Variants in COL6A3 observed in about 807,000 individuals in gnomAD.
The protein encoded by COL6A3 is collagen type VI alpha 3 chain, also known as collagen alpha-3(VI) chain.
In COL6A3, 137 loss-of-function variants were observed where a neutral mutation model predicts 274.1. That is an observed-to-expected ratio of 0.50 (90% confidence interval 0.44 to 0.58). The LOEUF is 0.58. Ranked by LOEUF, COL6A3 falls within the 20% of genes least tolerant of loss-of-function variation. The pLI is 0.00. For synonymous variants in COL6A3, 1,650 were observed against 1,650.6 expected (o/e 1.00, Z 0.01); for missense variants, 3,950 against 4,124.9 (o/e 0.96, Z 1.16).
chr2:237,372,013 C>T lies in COL6A3; in HGVS notation c.4004G>A (p.Gly1335Asp), dbSNP rs763111518. Reference sequence around the variant, plus strand: ...GATGAGGACCAGGAACTGCGGGACGCCCTCTTCAATGCGGCTCCCCAGGGG... The same window carrying T: ...GATGAGGACCAGGAACTGCGGGACGTCCTCTTCAATGCGGCTCCCCAGGGG... Reference protein sequence around the residue: ...KRPLGSRIEEGVPQFLVLISS... With the variant: ...KRPLGSRIEEDVPQFLVLISS... Residue 1335 changes from glycine to aspartate, a missense_variant, in exon 9 of 44, where the codon GGC becomes GAC. Transcript: ENST00000295550. 4 of 1,614,146 alleles carry T rather than the reference C, an allele frequency of 2.5e-6. No homozygotes were observed. Among genetic ancestry groups the T allele is most frequent in the East Asian group, 4.5e-5 (2 of 44,876 alleles).
In COL6A3 at chr2:237,339,130, A is replaced by G. The variant is rs2076932172; in HGVS notation, c.8465-13T>C. 6.3e-7 allele frequency: 1 copy of G among 1,578,424 alleles called. No individual in the cohort carries two copies. Among genetic ancestry groups the G allele is most frequent in the African/African-American group, 1.3e-5 (1 of 74,304 alleles). On this transcript the variant is annotated splice_polypyrimidine_tract_variant and intron_variant, in intron 38 of 43. Transcript: ENST00000295550. ...AAAGCATTTTCACCTAAAGAAAAAA[A>G]ACAAAGAAAACAATTGAACCGCATG...
In COL6A3 at chr2:237,396,872, G is replaced by C. The variant is rs189096751; in HGVS notation, c.-30-25C>G. On this transcript the variant is annotated intron_variant, in intron 1 of 43. Transcript: ENST00000295550. ...CCTAAAAGAGAAAACAGGGCAAAGG[G>C]AATGATCAGTTTTTGACTCTCATTA... 12 of 1,534,568 alleles carry C rather than the reference G, an allele frequency of 7.8e-6. No homozygotes were observed. The East Asian group carries it at 2.5e-4, about 32-fold the overall frequency.
chr2:237,413,187 C>T lies in COL6A3; in HGVS notation c.-31+766G>A, dbSNP rs1419032312. ...CCTCCCAGCTCGGCACTGGCCTCAC[C>T]TCTGTGCAGCATGGGCTGGCCCTGC... is the stretch of plus-strand genomic sequence containing the variant. On this transcript the variant is annotated intron_variant, in intron 1 of 43. Transcript: ENST00000295550. This position sits in a 1 kb window ranked among gnomAD's most constrained non-coding sequence, Gnocchi z 4.0. Among the ~76,000 whole-genome samples, 2 of 152,242 alleles carry T rather than the reference C, an allele frequency of 1.3e-5. No individual in the cohort carries two copies. The highest frequency in any genetic ancestry group is 4.8e-5 in the African/African-American group (2 of 41,468).
In COL6A3 at chr2:237,381,499, A is replaced by C. The variant is rs752716544; in HGVS notation, c.1313T>G (p.Val438Gly). The C allele has an allele frequency of 6.3e-7, 1 of 1,599,924 alleles. No homozygotes were observed. Among genetic ancestry groups the C allele is most frequent in the Non-Finnish European group, 8.5e-7 (1 of 1,178,638 alleles). ...VLKPPTIVTQ[V>G]IEVNKRDIVF... Reference sequence around the variant, plus strand: ...TATGTCTCTCTTGTTGACTTCAATGACTGTAGGTGGCAACATTATAAGGCA... The same window carrying C: ...TATGTCTCTCTTGTTGACTTCAATGCCTGTAGGTGGCAACATTATAAGGCA... Residue 438 changes from valine (V) to glycine (G), a missense_variant and splice_region_variant, in exon 5 of 44, where the codon GTC (valine) becomes GGC (glycine). Val to Gly is a moderately radical substitution (Grantham distance 109). This residue lies in a region of COL6A3 where 1,934 missense variants were observed against 1,984.3 expected (regional missense o/e 0.97). Transcript: ENST00000295550.
At chr2:237,347,781 T>C (rs1040358696) in intron 31 of COL6A3, 26 bp downstream of exon 31, 7 of 1,602,458 alleles carry the variant, frequency 4.4e-6, no homozygotes, top group Admixed American at 1.7e-5. Context: ...ATTCCTCACC[T>C]GCAGCCAAGG....
rs750241914 is a variant in COL6A3, at chr2:237,387,578, A to G, written c.1312+4T>C. ...CACACAGATGGTGAGAAGAGGATACATACCTTGTGTGACAATGGTTGGCGG... is the reference window on the plus strand; with the variant it reads ...CACACAGATGGTGAGAAGAGGATACGTACCTTGTGTGACAATGGTTGGCGG... On this transcript the variant is annotated splice_donor_region_variant and intron_variant, in intron 4 of 43. Coordinates refer to ENST00000295550, the MANE Select transcript of COL6A3 (RefSeq NM_004369.4). 1 of 1,613,920 alleles carries G rather than the reference A, an allele frequency of 6.2e-7. No homozygotes were observed.
At chr2:237,393,469 A>T (rs2078343971) in intron 3 of COL6A3, among the ~76,000 whole-genome samples, 1 of 152,108 alleles carries the variant, frequency 6.6e-6, no homozygotes, top group Admixed American at 6.5e-5. Flanking sequence ...TATCCACCTG[A>T]ATATCTTGGA....
At chr2:237,385,897 T>A (rs1319821471) in intron 4 of COL6A3, among the ~76,000 whole-genome samples, 1 of 152,182 alleles carries the variant, frequency 6.6e-6, no homozygotes. Flanking sequence ...AATTTTATGG[T>A]CCCATCAAGT....
chr2:237,405,108 C>T (rs2078687051), intron 1 of COL6A3, among the ~76,000 whole-genome samples: 1 of 152,008 alleles, frequency 6.6e-6, no homozygotes, highest in Non-Finnish European at 1.5e-5. Flanking sequence ...CTGAAAAGGA[C>T]GGGAGATAAT....
Position 237,374,667 on chromosome 2 carries a change from C to A in COL6A3, c.3424G>T (p.Asp1142Tyr), listed in dbSNP as rs777599612. Reference sequence around the variant, plus strand: ...TTCCGCACATCATCCCCAGACCTGTCGGCCGTGAGGACGATCAGCAGCTGG... The same window carrying A: ...TTCCGCACATCATCCCCAGACCTGTAGGCCGTGAGGACGATCAGCAGCTGG... ...VPQLLIVLTA[D>Y]RSGDDVRNPS... Residue 1142 changes from aspartate to tyrosine, a missense_variant, in exon 8 of 44, where the codon GAC (aspartate) becomes TAC (tyrosine). Transcript: ENST00000295550. This position sits in a 1 kb window ranked among gnomAD's most constrained non-coding sequence, Gnocchi z 4.8. 6.2e-7 allele frequency: 1 copy of A among 1,613,986 alleles called. No homozygotes were observed. Among genetic ancestry groups the A allele is most frequent in the East Asian group, 2.2e-5 (1 of 44,828 alleles).
chr2:237,397,400 CAA>C (rs1406023131), intron 1 of COL6A3, among the ~76,000 whole-genome samples: 2 of 122,242 alleles, frequency 1.6e-5, no homozygotes, highest in Non-Finnish European at 3.3e-5. Flanking sequence ...AGAAGAAAAA[CAA>C]AGAGGAGAGA....
chr2:237,349,435 A>G (rs1018095453), intron 28 of COL6A3, among the ~76,000 whole-genome samples: 1 of 152,262 alleles, frequency 6.6e-6, no homozygotes, highest in South Asian at 2.1e-4. Flanking sequence ...TGAGATTAAA[A>G]GTAATACAAA....
chr2:237,353,683 G>A (rs531367042), intron 24 of COL6A3, among the ~76,000 whole-genome samples: 6 of 152,272 alleles, frequency 3.9e-5, no homozygotes, highest in Middle Eastern at 3.4e-3. Context: ...GCAGAGGACC[G>A]AGACACCGGG....
Position 237,381,264 on chromosome 2 carries a change from C to A in COL6A3, c.1548G>T (p.Lys516Asn). The change falls in exon 5 of 44, where the codon AAG becomes AAT. Residue 516 changes from lysine (K) to asparagine (N), a missense_variant. Physicochemically the swap from Lys to Asn is moderately conservative, Grantham distance 94. Coordinates refer to ENST00000295550, the MANE Select transcript of COL6A3 (RefSeq NM_004369.4). ...TGTACAGGGCCGAGCCGTCCAGGGG[C>A]TTCATTTTCCGCACAGCGGTTATGA... ...REVITAVRKMKPLDGSALYTG... is the reference protein window; with the variant it reads ...REVITAVRKMNPLDGSALYTG... The A allele has an allele frequency of 6.2e-7, 1 of 1,614,258 alleles. No individual in the cohort carries two copies. Among genetic ancestry groups the A allele is most frequent in the Non-Finnish European group, 8.5e-7 (1 of 1,180,052 alleles).
chr2:237,367,770 G>A (rs1198888775), intron 10 of COL6A3, among the ~76,000 whole-genome samples: 1 of 152,204 alleles, frequency 6.6e-6, no homozygotes, highest in Non-Finnish European at 1.5e-5. Flanking sequence ...AATAGGAAGA[G>A]GCCCCTTAAC....
chr2:237,369,874 A>G (rs1215933541), intron 9 of COL6A3, among the ~76,000 whole-genome samples: 1 of 139,602 alleles, frequency 7.2e-6, no homozygotes, highest in Non-Finnish European at 1.5e-5. Context: ...GTCTCTTTCT[A>G]TCTCCCAGGC....
intron 6 of COL6A3, among the ~76,000 whole-genome samples, chr2:237,377,850 G>A (rs1011275293): frequency 2.3e-4 from 35 of 152,052 alleles, no homozygotes; most frequent in African/African-American, 8.2e-4. Flanking sequence ...TTGAGGTTAC[G>A]GGCCAAGACC....
intron 32 of COL6A3, 25 bp from the exon 33 acceptor site, chr2:237,345,238 G>A: frequency 6.2e-7 from 1 of 1,613,156 alleles, no homozygotes; most frequent in Non-Finnish European, 8.5e-7. Context: ...AACGAAAGGT[G>A]AGAGGCACAG....
Position 237,366,708 on chromosome 2 carries a change from C to T in COL6A3, c.5479G>A (p.Gly1827Ser), listed in dbSNP as rs1440752292. The change falls in exon 11 of 44, where the codon GGT becomes AGT. Residue 1827 changes from glycine to serine, a missense_variant. Coordinates refer to ENST00000295550, the MANE Select transcript of COL6A3 (RefSeq NM_004369.4). Reference sequence around the variant, plus strand: ...TTACCTTTGGCAGCATCAGTTACACCAGGGCAAAGGGTTTCATGCATCGCA... The same window carrying T: ...TTACCTTTGGCAGCATCAGTTACACTAGGGCAAAGGGTTTCATGCATCGCA... Reference protein sequence around the residue: ...HDAMHETLCPGVTDAAKACNL... With the variant: ...HDAMHETLCPSVTDAAKACNL... The T allele has an allele frequency of 1.2e-6, 2 of 1,614,244 alleles. No individual in the cohort carries two copies. Among genetic ancestry groups the T allele is most frequent in the Admixed American group, 3.3e-5 (2 of 60,032 alleles).
Sources: gnomAD v4.1 joint callset for allele counts (sites outside exome capture counted in the v4.1 genomes callset) on GRCh38, gnomAD v4.1.1 for gene constraint, gnomAD v4.1.1 regional missense constraint, Gnocchi (gnomAD v3.1) non-coding constraint, MANE v1.5 for transcripts, NCBI Gene and HGNC (gene_info 2026-07-23, HGNC 2026-07-21) for gene names.